The following NCK2 variants were observed in gnomAD, a reference collection of about 807,000 sequenced individuals.
NCK2 encodes cytoplasmic protein NCK2.
In NCK2, 16 loss-of-function variants were observed where a neutral mutation model predicts 33.9. The ratio of observed to expected loss-of-function variants is 0.47; its 90% CI spans 0.32 to 0.72. The LOEUF (loss-of-function observed/expected upper bound fraction) is 0.72, where lower values mean the gene tolerates loss of function less well. NCK2 is among the 30% of genes least tolerant of loss of function. The pLI is 0.03. For missense variants in NCK2, 418 were observed against 537.3 expected (o/e 0.78, Z 2.19); for synonymous variants, 273 against 239.9 (o/e 1.14, Z -1.27).
At chr2:105,850,862 T>C (rs1364336330) in intron 2 of NCK2, among the ~76,000 whole-genome samples, 1 of 152,244 alleles carries the variant, frequency 6.6e-6, no homozygotes, top group African/African-American at 2.4e-5. Flanking sequence ...ATGGGTCATC[T>C]GCAGTCTCTT....
chr2:105,777,062 G>A (rs1690328681), intron 1 of NCK2, among the ~76,000 whole-genome samples: 1 of 151,926 alleles, frequency 6.6e-6, no homozygotes, highest in African/African-American at 2.4e-5. Context: ...AGGGCAAAAT[G>A]AGGCCTTGAG....
At chr2:105,892,362 A>G (rs1679022913) in intron 4 of NCK2, among the ~76,000 whole-genome samples, 1 of 152,208 alleles carries the variant, frequency 6.6e-6, no homozygotes, top group Non-Finnish European at 1.5e-5. Flanking sequence ...TCAGGGCAAC[A>G]CTGTATATTC....
chr2:105,759,743 G>A (rs1398080887), intron 1 of NCK2, among the ~76,000 whole-genome samples: 7 of 152,132 alleles, frequency 4.6e-5, no homozygotes, highest in Admixed American at 3.9e-4. Context: ...TCTCCGTAGC[G>A]CCTCTGATCT....
At position 105,833,279 on chromosome 2, in the gene NCK2, T is replaced by G. The variant is rs188747625; in HGVS notation, c.-17+16666T>G. Among the ~76,000 whole-genome samples, 462 of 152,162 alleles carry G rather than the reference T, an allele frequency of 3.0e-3. 7 individuals are homozygous for G. Among genetic ancestry groups the G allele is most frequent in the Admixed American group, 0.016 (251 of 15,270 alleles). ...CTGGCTAATTCTTTTGTACTTTTACTAGAGATGAGCTTTCACCTTGTTGGC... is the reference window on the plus strand; with the variant it reads ...CTGGCTAATTCTTTTGTACTTTTACGAGAGATGAGCTTTCACCTTGTTGGC... On this transcript the variant is annotated intron_variant, in intron 2 of 4. Coordinates refer to ENST00000233154, the MANE Select transcript of NCK2 (RefSeq NM_003581.5).
intron 1 of NCK2, among the ~76,000 whole-genome samples, chr2:105,813,608 C>T (rs939223744): frequency 4.6e-5 from 7 of 152,198 alleles, no homozygotes; most frequent in African/African-American, 7.2e-5. Context: ...GAATCGGCCA[C>T]GACTGCTTGC....
rs139213765 is a variant in NCK2, at chr2:105,862,400, C to A, written c.226+7111C>A. ...GAAAATATGTAATAGCACCCCAGGC[C>A]AGCCTCAGTAGTGTTACTAATCACA... is the stretch of plus-strand genomic sequence containing the variant. On this transcript the variant is annotated intron_variant, in intron 3 of 4. Transcript: ENST00000233154. 3.9e-3 allele frequency among the ~76,000 whole-genome samples: 587 copies of A among 152,276 alleles called. 15 individuals carry two copies. The highest frequency in any genetic ancestry group is 0.031 in the Admixed American group (481 of 15,294).
intron 4 of NCK2, among the ~76,000 whole-genome samples, chr2:105,885,665 G>C (rs544702445): frequency 5.9e-5 from 9 of 152,174 alleles, no homozygotes; most frequent in Admixed American, 2.6e-4. Context: ...CACGTTTCTT[G>C]GTGGTGATGC....
intron 1 of NCK2, among the ~76,000 whole-genome samples, chr2:105,798,800 T>C (rs560196401): frequency 1.3e-5 from 2 of 152,326 alleles, no homozygotes; most frequent in Admixed American, 1.3e-4. Flanking sequence ...TTAGGGAAAT[T>C]AATACAAAAT....
chr2:105,831,773 C>T lies in NCK2; in HGVS notation c.-17+15160C>T, dbSNP rs999095568. Among the ~76,000 whole-genome samples, 11 of 152,156 alleles carry T rather than the reference C, an allele frequency of 7.2e-5. No homozygotes were observed. The East Asian group carries it at 1.5e-3, about 21-fold the overall frequency. On this transcript the variant is annotated intron_variant, in intron 2 of 4. Transcript: ENST00000233154. Reference sequence around the variant, plus strand: ...CGATGTGTCTGTTTTTATGCCAATACGATGCTGTTTTGATTACTATAGCTT... The same window carrying T: ...CGATGTGTCTGTTTTTATGCCAATATGATGCTGTTTTGATTACTATAGCTT...
intron 1 of NCK2, among the ~76,000 whole-genome samples, chr2:105,794,573 T>C (rs1691009572): frequency 1.3e-5 from 2 of 152,286 alleles, no homozygotes; most frequent in Admixed American, 6.5e-5. Flanking sequence ...AGTCCAATTA[T>C]TGTATTTCAA....
chr2:105,838,837 T>C (rs1249082623), intron 2 of NCK2, among the ~76,000 whole-genome samples: 3 of 152,200 alleles, frequency 2.0e-5, no homozygotes, highest in African/African-American at 7.2e-5. Context: ...CCCATCTAAG[T>C]CTTGGCTTAC....
At chr2:105,791,049 G>T (rs1480251352) in intron 1 of NCK2, among the ~76,000 whole-genome samples, 1 of 152,168 alleles carries the variant, frequency 6.6e-6, no homozygotes, top group African/African-American at 2.4e-5. Context: ...AAACTTTGGG[G>T]CTCTGGAAAT....
intron 1 of NCK2, among the ~76,000 whole-genome samples, chr2:105,808,926 T>A (rs528241444): frequency 6.6e-6 from 1 of 152,324 alleles, no homozygotes; most frequent in African/African-American, 2.4e-5. Flanking sequence ...TTAGCCATCT[T>A]GTGAGGGCTG....
At chr2:105,771,314 C>G (rs1690129515) in intron 1 of NCK2, among the ~76,000 whole-genome samples, 1 of 151,874 alleles carries the variant, frequency 6.6e-6, no homozygotes, top group South Asian at 2.1e-4. Context: ...CGTGTGTAAT[C>G]CCAGCACTTT....
At chr2:105,759,951 G>C (rs1246601788) in intron 1 of NCK2, among the ~76,000 whole-genome samples, 2 of 152,140 alleles carry the variant, frequency 1.3e-5, no homozygotes, top group Admixed American at 1.3e-4. Context: ...CATGTGATCA[G>C]CGTGGCTTAT....
chr2:105,783,530 G>A (rs1573587598), intron 1 of NCK2, among the ~76,000 whole-genome samples: 1 of 152,262 alleles, frequency 6.6e-6, no homozygotes, highest in East Asian at 1.9e-4. Flanking sequence ...CACCACCAAG[G>A]CACAGGTTAA....
At chr2:105,882,751 T>G (rs921468554) in intron 4 of NCK2, among the ~76,000 whole-genome samples, 7 of 152,110 alleles carry the variant, frequency 4.6e-5, no homozygotes, top group Admixed American at 1.3e-4. Context: ...AAGGCAGGCT[T>G]TTCGTGTGTG....
chr2:105,776,835 T>A (rs1408962838), intron 1 of NCK2, among the ~76,000 whole-genome samples: 1 of 152,044 alleles, frequency 6.6e-6, no homozygotes. Flanking sequence ...TCAGTACTGC[T>A]GACCTCACTT....
intron 1 of NCK2, among the ~76,000 whole-genome samples, chr2:105,750,069 A>ACACACACAC (rs1558820044): frequency 2.5e-4 from 14 of 56,692 alleles, no homozygotes; most frequent in African/African-American, 6.9e-4. Flanking sequence ...CACACACACA[A>ACACACACAC]AACAACAACA....
Sources: allele counts gnomAD v4.1 joint callset (sites outside exome capture counted in the v4.1 genomes callset), GRCh38; gene constraint gnomAD v4.1.1; transcripts MANE v1.5; gene names NCBI Gene and HGNC (gene_info 2026-07-23, HGNC 2026-07-21).